The following PRR11 variants were observed in gnomAD, a reference collection of about 807,000 sequenced individuals.
PRR11 encodes proline rich 11.
Under a neutral mutation model 45.6 loss-of-function variants are expected in PRR11, and 30 were observed. That is an observed-to-expected ratio of 0.66 (90% CI 0.49 to 0.89). PRR11 has a LOEUF of 0.89. Ranked by LOEUF, PRR11 falls within the 40% of genes least tolerant of loss-of-function variation. PRR11 has a pLI of 0.00. For missense variants in PRR11, 373 were observed against 424.8 expected, an observed-to-expected ratio of 0.88 and a Z score of 1.07; for synonymous variants, 128 against 153.5, an observed-to-expected ratio of 0.83 and a Z score of 1.23.
intron 9 of PRR11, among the ~76,000 whole-genome samples, chr17:59,199,954 T>A (rs538166039): frequency 1.3e-5 from 2 of 152,324 alleles, no homozygotes; most frequent in East Asian, 3.9e-4. Flanking sequence ...GGACGAGGCC[T>A]CACGGGTCTT....
At chr17:59,180,385 C>T (rs1402168572) in intron 2 of PRR11, among the ~76,000 whole-genome samples, 1 of 151,466 alleles carries the variant, frequency 6.6e-6, no homozygotes, top group Non-Finnish European at 1.5e-5. Flanking sequence ...CCTGCCTTGG[C>T]CTCCCGAAGT....
intron 4 of PRR11, among the ~76,000 whole-genome samples, chr17:59,186,595 TTG>T (rs2046815657): frequency 6.7e-6 from 1 of 150,016 alleles, no homozygotes; most frequent in South Asian, 2.1e-4. Context: ...GGGTCTCACT[TTG>T]TTGCCCAGGC....
intron 1 of PRR11, among the ~76,000 whole-genome samples, chr17:59,162,247 C>CAGAG (rs1341794011): frequency 1.4e-5 from 2 of 141,222 alleles, no homozygotes; most frequent in South Asian, 2.3e-4. Flanking sequence ...CACACACACA[C>CAGAG]ACAGAGAGAG....
intron 2 of PRR11, among the ~76,000 whole-genome samples, chr17:59,180,328 A>T (rs1229285892): frequency 1.3e-5 from 2 of 149,368 alleles, no homozygotes; most frequent in Non-Finnish European, 3.0e-5. Flanking sequence ...ATGGGGTTTC[A>T]CCATGTTGGC....
At chr17:59,162,780 G>A (rs575859068) in intron 1 of PRR11, among the ~76,000 whole-genome samples, 103 of 141,612 alleles carry the variant, frequency 7.3e-4, no homozygotes, top group Non-Finnish European at 1.3e-3. Flanking sequence ...CCAGGCTGGA[G>A]TGCAATGGCA....
chr17:59,160,872 T>C (rs2046647869), intron 1 of PRR11: 1 of 151,860 alleles, frequency 6.6e-6, no homozygotes, highest in South Asian at 2.1e-4. Context: ...TGGCTAGGAC[T>C]ATAGGTGAGC....
chr17:59,192,306 C>T (rs1173797403), intron 4 of PRR11, among the ~76,000 whole-genome samples: 1 of 152,182 alleles, frequency 6.6e-6, no homozygotes, highest in Non-Finnish European at 1.5e-5. Context: ...GGCAGTGAAG[C>T]TCCTACGACA....
chr17:59,185,138 T>G lies in PRR11; in HGVS notation c.213T>G (p.Asp71Glu), dbSNP rs1246555440. The change falls in exon 3 of 10, where the codon GAT becomes GAG. Residue 71 changes from aspartate (D) to glutamate (E), a missense_variant. By Grantham distance (45) the Asp-to-Glu change is conservative (BLOSUM62 2). Coordinates refer to ENST00000262293, the MANE Select transcript of PRR11 (RefSeq NM_018304.4). The part of the protein sequence containing the change: ...SWNFNFPNIR[D>E]AIKLWTNRVW... ...ACTTCAATTTTCCTAACATCAGAGA[T>G]GCAATAAAACTTTGGACAAATAGAG... 1.2e-6 allele frequency: 2 copies of G among 1,613,860 alleles called. No individual in the cohort carries two copies. The highest frequency in any genetic ancestry group is 1.7e-5 in the Admixed American group (1 of 59,980).
In PRR11 at chr17:59,190,327, C is replaced by T. The variant is rs1434035322; in HGVS notation, c.403-3165C>T. Among the ~76,000 whole-genome samples, 3 of 152,022 alleles carry T rather than the reference C, an allele frequency of 2.0e-5. No individual in the cohort carries two copies. The East Asian group carries it at 5.8e-4, about 29-fold the overall frequency. ...CCTACTAAAAATACAAAAAAATTAG[C>T]TGGGCGTGTTGTCACACACCTGTAA... On this transcript the variant is annotated intron_variant, in intron 4 of 9. Transcript: ENST00000262293.
rs2046917643 is a variant in PRR11, at chr17:59,206,237, G to A, written c.*4606G>A. Among the ~76,000 whole-genome samples the A allele has an allele frequency of 6.6e-6, 1 of 152,002 alleles. No homozygotes were observed. The highest frequency in any genetic ancestry group is 6.6e-5 in the Admixed American group (1 of 15,218). ...AAAAATTAGCCGGGAGCGGTGATGT[G>A]TGCCTGTAGTCCCAGCTACTCAGGA... On this transcript the variant is annotated 3_prime_UTR_variant, in exon 10 of 10. Transcript: ENST00000262293.
At chr17:59,162,342 G>A (rs1029324381) in intron 1 of PRR11, among the ~76,000 whole-genome samples, 2 of 152,016 alleles carry the variant, frequency 1.3e-5, no homozygotes, top group African/African-American at 2.4e-5. Flanking sequence ...ACATTGGCTT[G>A]TGTAGGACTC....
intron 4 of PRR11, among the ~76,000 whole-genome samples, chr17:59,188,736 T>C: frequency 6.6e-6 from 1 of 151,700 alleles, no homozygotes; most frequent in East Asian, 1.9e-4. Flanking sequence ...GCCAGGGGTT[T>C]GAGACCAGCC....
Position 59,197,691 on chromosome 17 carries a change from A to G in PRR11, c.918-2A>G. On this transcript the variant is annotated splice_acceptor_variant, in intron 8 of 9. Transcript: ENST00000262293. LOFTEE classifies it high-confidence loss of function. ...CTACTGTTATTTTCAATACCTTTGCAGGAGCCCAGGTGGAACCCCTCTTAC... is the reference window on the plus strand; with the variant it reads ...CTACTGTTATTTTCAATACCTTTGCGGGAGCCCAGGTGGAACCCCTCTTAC... 1 of 1,613,554 alleles carries G rather than the reference A, an allele frequency of 6.2e-7. No homozygotes were observed. Among genetic ancestry groups the G allele is most frequent in the Non-Finnish European group, 8.5e-7 (1 of 1,179,468 alleles).
chr17:59,175,021 G>A (rs1194602719), intron 2 of PRR11: 14 of 661,238 alleles, frequency 2.1e-5, no homozygotes, highest in East Asian at 7.6e-5. Context: ...AACTGGAACC[G>A]AAGTTTATGG....
Position 59,179,865 on chromosome 17 carries a change from G to A in PRR11, c.129-5189G>A, listed in dbSNP as rs1366294474. 6.7e-6 allele frequency: 9 copies of A among 1,342,832 alleles called. No individual in the cohort carries two copies. The East Asian group carries it at 1.7e-4, about 25-fold the overall frequency. The allele number at this position is 1,342,832 out of a possible 1,614,324, so 83.2% of individuals were successfully genotyped here. A position where few individuals can be genotyped will look rare whatever the true frequency, so the allele number is the denominator to read the frequency against. On this transcript the variant is annotated intron_variant, in intron 2 of 9. Transcript: ENST00000262293. ...CAAAGGGACCCACACAGGGGGCTGGGATCTACCCCAGGGGCTGAGTAAAGA... is the reference window on the plus strand; with the variant it reads ...CAAAGGGACCCACACAGGGGGCTGGAATCTACCCCAGGGGCTGAGTAAAGA...
intron 1 of PRR11, among the ~76,000 whole-genome samples, chr17:59,162,726 C>CTT (rs34124387): frequency 0.015 from 1,817 of 117,294 alleles, 103 homozygotes; most frequent in African/African-American, 0.05. Context: ...CTTTCTCTCC[C>CTT]TTTTTTTTTT....
chr17:59,201,505 G>C, intron 9 of PRR11, 58 bp from the exon 10 acceptor site: 1 of 1,549,022 alleles, frequency 6.5e-7, no homozygotes, highest in East Asian at 2.3e-5. Context: ...AGAAAGGAGA[G>C]TTGTACTTAT....
In PRR11 at chr17:59,202,002, C is replaced by T. The variant is rs936358814; in HGVS notation, c.*371C>T. ...CAAACAAAAAAAACCCACCCAAATC[C>T]TTTTTTTTAATGTAGTAGGGTTTAT... On this transcript the variant is annotated 3_prime_UTR_variant, in exon 10 of 10. Coordinates refer to ENST00000262293, the MANE Select transcript of PRR11 (RefSeq NM_018304.4). 3 of 225,930 alleles carry T rather than the reference C, an allele frequency of 1.3e-5. No individual in the cohort carries two copies. The East Asian group carries it at 2.8e-4, about 21-fold the overall frequency. The allele number at this position is 225,930 out of a possible 1,614,324, so 14.0% of individuals were successfully genotyped here.
intron 9 of PRR11, among the ~76,000 whole-genome samples, chr17:59,200,898 T>C (rs886500551): frequency 6.6e-6 from 1 of 152,166 alleles, no homozygotes; most frequent in African/African-American, 2.4e-5. Context: ...GTGCTGGGAT[T>C]ACAGGCGTGA....
Sources: allele counts gnomAD v4.1 joint callset (sites outside exome capture counted in the v4.1 genomes callset), GRCh38; gene constraint gnomAD v4.1.1; transcripts MANE v1.5; gene names NCBI Gene and HGNC (gene_info 2026-07-23, HGNC 2026-07-21).